FAM20B: variants seen among roughly 807,000 people sequenced by gnomAD.
FAM20B encodes glycosaminoglycan xylosylkinase.
In FAM20B, 23 loss-of-function variants were observed where a neutral mutation model predicts 43.8. The ratio of observed to expected loss-of-function variants is 0.53; its 90% CI spans 0.38 to 0.74. The LOEUF (loss-of-function observed/expected upper bound fraction) is 0.74. FAM20B is among the 30% of genes least tolerant of loss of function. The probability of loss-of-function intolerance (pLI) is 0.00; values close to 1 mark genes in which losing one functional copy is unlikely to be tolerated. For missense variants in FAM20B, 440 were observed against 510.5 expected (o/e 0.86, Z 1.33); for synonymous variants, 178 against 192.4 (o/e 0.93, Z 0.62).
chr1:179,056,898 A>C (rs559842485), intron 4 of FAM20B, among the ~76,000 whole-genome samples: 2 of 152,186 alleles, frequency 1.3e-5, no homozygotes, highest in South Asian at 2.1e-4. Flanking sequence ...GCATCTTTAC[A>C]TATGTTTTTC....
rs1651993553 is a variant in FAM20B, at chr1:179,073,008, C to T, written c.*864C>T. The T allele has an allele frequency of 6.6e-6, 1 of 152,150 alleles. No individual in the cohort carries two copies. The highest frequency in any genetic ancestry group is 2.1e-4 in the South Asian group (1 of 4,824). The allele number at this position is 152,150 out of a possible 1,614,324, so 9.4% of individuals were successfully genotyped here. A position where few individuals can be genotyped will look rare whatever the true frequency, so the allele number is the denominator to read the frequency against. ...GGAGACTAATTTTTTCCCCTTTTGC[C>T]AAAAGCAGTCCTTCCCAAATTAACA... On this transcript the variant is annotated 3_prime_UTR_variant, in exon 8 of 8. Coordinates refer to ENST00000263733, the MANE Select transcript of FAM20B (RefSeq NM_014864.4).
At chr1:179,040,938 G>A (rs536180608) in intron 1 of FAM20B, among the ~76,000 whole-genome samples, 1 of 151,214 alleles carries the variant, frequency 6.6e-6, no homozygotes, top group African/African-American at 2.4e-5. Flanking sequence ...TCCCAGACGG[G>A]GTCACGGCCG....
At chr1:179,046,030 T>G (rs1045933287) in intron 2 of FAM20B, among the ~76,000 whole-genome samples, 3 of 152,224 alleles carry the variant, frequency 2.0e-5, no homozygotes, top group African/African-American at 7.2e-5. Flanking sequence ...ATACGAAGGT[T>G]TAACCTTTTT....
upstream of FAM20B, among the ~76,000 whole-genome samples, chr1:179,024,536 TC>T (rs1361498680): frequency 1.3e-5 from 2 of 152,354 alleles, no homozygotes; most frequent in East Asian, 3.9e-4. Context: ...ATCTTCCAGC[TC>T]ATTTTCCCAA....
intron 4 of FAM20B, among the ~76,000 whole-genome samples, chr1:179,058,157 TTTG>T (rs1651307575): frequency 6.6e-6 from 1 of 152,262 alleles, no homozygotes; most frequent in Non-Finnish European, 1.5e-5. Flanking sequence ...TAATATGTGC[TTTG>T]TTATTTAACA....
chr1:179,066,915 G>A (rs1651714249), intron 7 of FAM20B, 56 bp downstream of exon 7: 2 of 1,247,560 alleles, frequency 1.6e-6, no homozygotes, highest in Admixed American at 1.7e-5. Flanking sequence ...CCAGGCTCAG[G>A]TAACAGTACA....
chr1:179,036,782 C>T (rs1650246545), intron 1 of FAM20B, among the ~76,000 whole-genome samples: 1 of 151,922 alleles, frequency 6.6e-6, no homozygotes, highest in Admixed American at 6.6e-5. Flanking sequence ...TTATACAAGG[C>T]CGAATGTAGT....
rs1345850535 is a variant in FAM20B at position 179,072,330 on chromosome 1, A to G, written c.*186A>G. The G allele has an allele frequency of 6.8e-6, 4 of 590,378 alleles. No homozygotes were observed. The African/African-American group carries it at 7.4e-5, about 11-fold the overall frequency. The allele number at this position is 590,378 out of a possible 1,614,324, so 36.6% of individuals were successfully genotyped here. ...AAGCAAAGACCACAAGTTTCAGAGCATGGAGACATTCCTGCTGAATCGCCT... is the reference window on the plus strand; with the variant it reads ...AAGCAAAGACCACAAGTTTCAGAGCGTGGAGACATTCCTGCTGAATCGCCT... On this transcript the variant is annotated 3_prime_UTR_variant, in exon 8 of 8. Transcript: ENST00000263733.
At chr1:179,026,535 C>G (rs568660215) in intron 1 of FAM20B, among the ~76,000 whole-genome samples, 1 of 152,094 alleles carries the variant, frequency 6.6e-6, no homozygotes, top group South Asian at 2.1e-4. Flanking sequence ...CCCGTTGAGG[C>G]AGCCCAGGGA....
At chr1:179,068,055 G>C (rs935601532) in intron 7 of FAM20B, among the ~76,000 whole-genome samples, 1 of 152,030 alleles carries the variant, frequency 6.6e-6, no homozygotes, top group African/African-American at 2.4e-5. Context: ...GAGCCACCGC[G>C]CCCGACCATC....
At chr1:179,038,619 G>A (rs1030212951) in intron 1 of FAM20B, among the ~76,000 whole-genome samples, 14 of 152,180 alleles carry the variant, frequency 9.2e-5, no homozygotes, top group African/African-American at 3.4e-4. Flanking sequence ...CCTGAGAAGT[G>A]TACTGTTGAA....
At chr1:179,062,184 G>T (rs1318577900) in intron 4 of FAM20B, among the ~76,000 whole-genome samples, 1 of 152,042 alleles carries the variant, frequency 6.6e-6, no homozygotes, top group Non-Finnish European at 1.5e-5. Flanking sequence ...CTTTTAATGT[G>T]GTACTAAAAT....
At chr1:179,068,746 T>C (rs1414610604) in intron 7 of FAM20B, among the ~76,000 whole-genome samples, 1 of 152,102 alleles carries the variant, frequency 6.6e-6, no homozygotes, top group East Asian at 1.9e-4. Context: ...ATATAAAGAA[T>C]TATTAAATTC....
chr1:179,065,131 C>T (rs1651635479), intron 6 of FAM20B, among the ~76,000 whole-genome samples: 1 of 151,570 alleles, frequency 6.6e-6, no homozygotes, highest in South Asian at 2.1e-4. Flanking sequence ...TCTGTGGTGG[C>T]CGGTTTAGTG....
In FAM20B at chr1:179,066,787, A is replaced by T. The variant is rs776724918; in HGVS notation, c.939-13A>T. ...CTTCCACCTAATTCACTAAGTTTTA[A>T]TTTAATTTTCAGCTTTGGGAACCCC... On this transcript the variant is annotated splice_polypyrimidine_tract_variant and intron_variant, in intron 6 of 7. Transcript: ENST00000263733. 6.3e-7 allele frequency: 1 copy of T among 1,597,478 alleles called. No individual in the cohort carries two copies. The highest frequency in any genetic ancestry group is 1.3e-5 in the African/African-American group (1 of 74,566).
intron 7 of FAM20B, 53 bp from the exon 8 acceptor site, chr1:179,071,860 C>A: frequency 7.8e-7 from 1 of 1,274,328 alleles, no homozygotes; most frequent in Non-Finnish European, 1.1e-6. Flanking sequence ...GCTTTCAACT[C>A]CGTTTGATAA....
At chr1:179,046,408 T>C (rs1650774065) in intron 2 of FAM20B, among the ~76,000 whole-genome samples, 1 of 152,170 alleles carries the variant, frequency 6.6e-6, no homozygotes, top group Admixed American at 6.5e-5. Context: ...CCCAGCACTT[T>C]GGGAGGCCAA....
upstream of FAM20B, among the ~76,000 whole-genome samples, chr1:179,022,965 C>G (rs1293560805): frequency 6.6e-6 from 1 of 152,112 alleles, no homozygotes; most frequent in African/African-American, 2.4e-5. Context: ...AGGTGGATTT[C>G]CTGGAGGAAG....
intron 3 of FAM20B, among the ~76,000 whole-genome samples, chr1:179,050,830 A>G (rs1410899573): frequency 6.6e-6 from 1 of 152,228 alleles, no homozygotes; most frequent in Non-Finnish European, 1.5e-5. Context: ...GAATAATTAC[A>G]AAAGGAAAGG....
Sources: gnomAD v4.1 joint callset for allele counts (sites outside exome capture counted in the v4.1 genomes callset) on GRCh38, gnomAD v4.1.1 for gene constraint, MANE v1.5 for transcripts, NCBI Gene and HGNC (gene_info 2026-07-23, HGNC 2026-07-21) for gene names.